NUTM2B: variants seen among roughly 807,000 people sequenced by gnomAD.
NUTM2B encodes the protein family with sequence similarity 22, member B.
NUTM2B carries 2 observed loss-of-function variants against 42.4 expected under a neutral mutation model. The observed-to-expected ratio is 0.05, with a 90% CI of 0.02 to 0.15. The LOEUF is 0.15. NUTM2B is among the 10% of genes least tolerant of loss of function. The probability of loss-of-function intolerance (pLI) is 1.00; values close to 1 mark genes in which losing one functional copy is unlikely to be tolerated. For synonymous variants in NUTM2B, 18 were observed against 402.4 expected, an observed-to-expected ratio of 0.04 and a Z score of 11.43; for missense variants, 58 against 952.6, an observed-to-expected ratio of 0.06 and a Z score of 12.36.
chr10:79,701,186 G>A (rs1260261344), upstream of NUTM2B, among the ~76,000 whole-genome samples: 1 of 152,130 alleles, frequency 6.6e-6, no homozygotes. Context: ...TTCCATTAAA[G>A]AGTATTTCTG....
chr10:79,699,572 A>C (rs1431145124), upstream of NUTM2B, among the ~76,000 whole-genome samples: 2 of 152,234 alleles, frequency 1.3e-5, no homozygotes, highest in Non-Finnish European at 2.9e-5. Flanking sequence ...CCTCCCGAGT[A>C]GCTGGGACTA....
At chr10:79,701,547 T>A (rs992145392), upstream of NUTM2B, among the ~76,000 whole-genome samples, 14 of 152,110 alleles carry the variant, frequency 9.2e-5, 1 homozygote, top group African/African-American at 3.4e-4. Flanking sequence ...AGCCTTCACG[T>A]TGATGCAGTC....
upstream of NUTM2B, among the ~76,000 whole-genome samples, chr10:79,700,100 CCA>C (rs375376883): frequency 5.4e-4 from 82 of 152,280 alleles, 1 homozygote; most frequent in South Asian, 0.017. Flanking sequence ...TTGACTTTGG[CCA>C]CACTCTTGCA....
At chr10:79,699,721 G>A (rs1384220845), upstream of NUTM2B, among the ~76,000 whole-genome samples, 1 of 152,154 alleles carries the variant, frequency 6.6e-6, no homozygotes, top group African/African-American at 2.4e-5. Context: ...GGGATTATAG[G>A]TGTGAGCCAC....
chr10:79,698,017 A>G, the NUTM2B span, among the ~76,000 whole-genome samples: 4 of 151,504 alleles, frequency 2.6e-5, no homozygotes, highest in Non-Finnish European at 5.9e-5. Flanking sequence ...CACACATACA[A>G]GTGGCAACAC....
At chr10:79,700,770 G>A (rs999511589), upstream of NUTM2B, among the ~76,000 whole-genome samples, 6 of 152,346 alleles carry the variant, frequency 3.9e-5, no homozygotes, top group Admixed American at 2.6e-4. Flanking sequence ...GTTGAGGGCG[G>A]CCGGCCTCGC....
chr10:79,697,901 C>T, the NUTM2B span, among the ~76,000 whole-genome samples: 1 of 150,500 alleles, frequency 6.6e-6, no homozygotes, highest in Non-Finnish European at 1.5e-5. Context: ...GAACCTCCCA[C>T]ATCTCCCAGA....
intron 5 of NUTM2B, among the ~76,000 whole-genome samples, chr10:79,711,044 CTG>C (rs1840483165): frequency 8.2e-6 from 1 of 122,442 alleles, no homozygotes; most frequent in Non-Finnish European, 1.7e-5. Context: ...GTTTGTGTGT[CTG>C]TGTGTGGTTT....
At chr10:79,700,694 C>G (rs969796587), upstream of NUTM2B, among the ~76,000 whole-genome samples, 80 of 152,090 alleles carry the variant, frequency 5.3e-4, 1 homozygote, top group Non-Finnish European at 7.8e-4. Context: ...GCCGGTGGGT[C>G]ACCGCCCTTT....
At chr10:79,692,309 A>G in the NUTM2B span, among the ~76,000 whole-genome samples, 2 of 152,242 alleles carry the variant, frequency 1.3e-5, no homozygotes, top group Admixed American at 6.5e-5. Context: ...CTTTACACAT[A>G]TGAATGCCAA....
chr10:79,707,171 A>G (rs1476183774), intron 2 of NUTM2B, among the ~76,000 whole-genome samples: 1 of 132,780 alleles, frequency 7.5e-6, no homozygotes, highest in Non-Finnish European at 1.6e-5. Context: ...AACCTGGCAC[A>G]TGCCTGCAGT....
upstream of NUTM2B, among the ~76,000 whole-genome samples, chr10:79,701,342 G>C (rs1742197): frequency 5.8e-3 from 884 of 152,034 alleles, 12 homozygotes; most frequent in East Asian, 0.014. Context: ...GCAGCAGATA[G>C]TAAGGGAACA....
chr10:79,696,150 C>T, the NUTM2B span, among the ~76,000 whole-genome samples: 5 of 147,826 alleles, frequency 3.4e-5, no homozygotes, highest in African/African-American at 9.9e-5. Context: ...ACACACACAC[C>T]GCCCCCCACC....
At chr10:79,700,398 G>A (rs866375426), upstream of NUTM2B, among the ~76,000 whole-genome samples, 8,746 of 113,892 alleles carry the variant, frequency 0.077, no homozygotes, top group African/African-American at 0.16. Flanking sequence ...AGGCACGGCC[G>A]AGACACACTT....
chr10:79,693,675 CAAG>C, the NUTM2B span, among the ~76,000 whole-genome samples: 1 of 152,156 alleles, frequency 6.6e-6, no homozygotes, highest in Non-Finnish European at 1.5e-5. Context: ...CAAAGAAATC[CAAG>C]AAGATCTACC....
chr10:79,699,544 G>C (rs9415213), upstream of NUTM2B, among the ~76,000 whole-genome samples: 12,885 of 152,036 alleles, frequency 0.085, 497 homozygotes, highest in African/African-American at 0.18. Context: ...TTGGGTTCAA[G>C]TGATTCTTCT....
chr10:79,700,976 T>G (rs1163519820), upstream of NUTM2B, among the ~76,000 whole-genome samples: 1 of 152,170 alleles, frequency 6.6e-6, no homozygotes, highest in Non-Finnish European at 1.5e-5. Flanking sequence ...CAACGATCAC[T>G]CCTAATTTTC....
intron 3 of NUTM2B, among the ~76,000 whole-genome samples, chr10:79,709,144 C>T (rs1378872720): frequency 1.8e-5 from 2 of 113,596 alleles, no homozygotes; most frequent in Admixed American, 9.1e-5. Flanking sequence ...GGAGAAGGGG[C>T]GCTAGTGACT....
chr10:79,700,739 CCGCAACCGG>C (rs1384277939), upstream of NUTM2B, among the ~76,000 whole-genome samples: 1 of 152,244 alleles, frequency 6.6e-6, no homozygotes, highest in Non-Finnish European at 1.5e-5. Context: ...CCATCAACCG[CCGCAACCGG>C]CGCTGGGAGC....
Sources: gnomAD v4.1 joint callset for allele counts (sites outside exome capture counted in the v4.1 genomes callset) on GRCh38, gnomAD v4.1.1 for gene constraint, MANE v1.5 for transcripts, NCBI Gene and HGNC (gene_info 2026-07-23, HGNC 2026-07-21) for gene names.